Variants in RAD54L2 observed in about 807,000 individuals in gnomAD.
RAD54L2 encodes the protein helicase ARIP4.
In RAD54L2, 27 loss-of-function variants were observed where a neutral mutation model predicts 138.4. That is an observed-to-expected ratio of 0.20 (90% CI 0.14 to 0.27). The LOEUF (loss-of-function observed/expected upper bound fraction) is 0.27. Ranked by LOEUF, RAD54L2 falls within the 10% of genes least tolerant of loss-of-function variation. RAD54L2 has a pLI of 1.00. For missense variants in RAD54L2, 1,396 were observed against 1,890.2 expected (o/e 0.74, Z 4.85); for synonymous variants, 644 against 723.2 (o/e 0.89, Z 1.76).
intron 2 of RAD54L2, among the ~76,000 whole-genome samples, chr3:51,577,429 A>G (rs1405479366): frequency 3.3e-5 from 5 of 152,104 alleles, no homozygotes; most frequent in African/African-American, 1.2e-4. Context: ...CGATCTGTCT[A>G]ATGTTGACAG....
chr3:51,571,388 C>CT lies in RAD54L2; in HGVS notation c.-54-18959dup, dbSNP rs568383202. On this transcript the variant is annotated intron_variant, in intron 2 of 22. Transcript: ENST00000684192. ...TGGCTGTGTCTCTGTGGAATACCTG[C>CT]TTTTTTTTTTTTTTTTTTTTAAAGA... 6.0e-3 allele frequency among the ~76,000 whole-genome samples: 690 copies of CT among 115,810 alleles called. 3 individuals carry two copies. Among genetic ancestry groups the CT allele is most frequent in the African/African-American group, 0.014 (436 of 31,178 alleles). 76.0% of individuals were successfully genotyped at this position (115,810 alleles called of 152,430 possible).
intron 2 of RAD54L2, among the ~76,000 whole-genome samples, chr3:51,557,830 CAAAA>C (rs1166273906): frequency 0.072 from 2,311 of 32,102 alleles, 172 homozygotes; most frequent in East Asian, 0.42. Flanking sequence ...AACTCCATCT[CAAAA>C]AAAAAAAAAA....
intron 2 of RAD54L2, among the ~76,000 whole-genome samples, chr3:51,553,719 A>C (rs1431604673): frequency 2.0e-5 from 3 of 151,962 alleles, no homozygotes. Flanking sequence ...AGTCCTAGAT[A>C]CTCTGGAGGC....
chr3:51,638,071 GCT>G lies in RAD54L2; in HGVS notation c.1683-70_1683-69del. On this transcript the variant is annotated intron_variant, in intron 11 of 22. Coordinates refer to ENST00000684192, the MANE Select transcript of RAD54L2 (RefSeq NM_015106.4). The surrounding 1 kb of genome is among the most constrained non-coding windows in gnomAD (Gnocchi z 4.3). ...GGGAGGTGTGGCAGGAGTGCAAAAG[GCT>G]CTGTTTTTATCTTGTGCTGACCCCT... 2.1e-6 allele frequency: 3 copies of G among 1,431,586 alleles called. No individual in the cohort carries two copies. The South Asian group carries it at 3.7e-5, about 18-fold the overall frequency. 88.7% of individuals were successfully genotyped at this position (1,431,586 alleles called of 1,614,324 possible).
At position 51,628,482 on chromosome 3, in the gene RAD54L2, C is replaced by T. The variant is rs112874517; in HGVS notation, c.341+728C>T. ...CTTGGCTCACTGTACCCCCACCTCC[C>T]GTGTTCTAGCGGTTCTTGTGCTTCA... On this transcript the variant is annotated intron_variant, in intron 4 of 22. Transcript: ENST00000684192. Among the ~76,000 whole-genome samples the T allele has an allele frequency of 3.0e-4, 45 of 152,132 alleles. No homozygotes were observed. In the Middle Eastern group the frequency reaches 0.01, roughly 34 times the overall value.
chr3:51,607,498 T>C (rs895476506), intron 3 of RAD54L2, among the ~76,000 whole-genome samples: 4 of 152,228 alleles, frequency 2.6e-5, no homozygotes, highest in Admixed American at 2.6e-4. Context: ...GTCTCCTATG[T>C]CTACTTCTTT....
chr3:51,650,821 A>G (rs1425879686), intron 19 of RAD54L2, among the ~76,000 whole-genome samples: 1 of 152,254 alleles, frequency 6.6e-6, no homozygotes, highest in African/African-American at 2.4e-5. Flanking sequence ...CTAAATGCCC[A>G]CAAGAGAAAG....
intron 2 of RAD54L2, among the ~76,000 whole-genome samples, chr3:51,559,889 TATG>T (rs889906344): frequency 1.3e-5 from 2 of 152,208 alleles, no homozygotes; most frequent in Admixed American, 1.3e-4. Context: ...GGGCTACAGA[TATG>T]ATAAGGCTAT....
chr3:51,552,965 T>TG (rs1698875636), intron 2 of RAD54L2, among the ~76,000 whole-genome samples: 1 of 152,194 alleles, frequency 6.6e-6, no homozygotes, highest in African/African-American at 2.4e-5. Flanking sequence ...GTTTATTTCA[T>TG]GTATGTATTT....
At chr3:51,629,179 T>A (rs965723524) in intron 4 of RAD54L2, among the ~76,000 whole-genome samples, 155 bp from the exon 5 acceptor site, 1 of 152,226 alleles carries the variant, frequency 6.6e-6, no homozygotes, top group Non-Finnish European at 1.5e-5. Context: ...GTTTTTTGAA[T>A]GCTGCTCCTT....
rs1306031091 is a variant in RAD54L2 at position 51,666,914 on chromosome 3, A to C, written c.*3494A>C. ...CTTGTGATTCACAACTAAATATGAA[A>C]TTTCTCAATTCAGGAGCAGGAAGCA... On this transcript the variant is annotated 3_prime_UTR_variant, in exon 23 of 23. Transcript: ENST00000684192. The C allele has an allele frequency of 6.6e-6, 1 of 152,126 alleles. No homozygotes were observed. Among genetic ancestry groups the C allele is most frequent in the East Asian group, 1.9e-4 (1 of 5,190 alleles). The allele number at this position is 152,126 out of a possible 1,614,324, so 9.4% of individuals were successfully genotyped here. A position where few individuals can be genotyped will look rare whatever the true frequency, so the allele number is the denominator to read the frequency against.
intron 3 of RAD54L2, 29 bp from the exon 4 acceptor site, chr3:51,627,524 A>G: frequency 3.2e-6 from 5 of 1,545,606 alleles, no homozygotes; most frequent in Non-Finnish European, 4.4e-6. Flanking sequence ...CACCCCTATA[A>G]AGCAATGTCT....
Position 51,646,347 on chromosome 3 carries a change from GA to G in RAD54L2, c.2898del (p.Ala967GlnfsTer32). On this transcript the variant is annotated frameshift_variant, in exon 19 of 23. Coordinates refer to ENST00000684192, the MANE Select transcript of RAD54L2 (RefSeq NM_015106.4). LOFTEE classifies it high-confidence loss of function. ...RKDHKLTKAE[K>X]KAAKKSYEED... ...AGGATCACAAGCTAACCAAGGCTGAGAAAAAAGCAGCAAAGAAAAGCTATGA... is the reference window on the plus strand; with the variant it reads ...AGGATCACAAGCTAACCAAGGCTGAGAAAAAGCAGCAAAGAAAAGCTATGA... The G allele has an allele frequency of 6.2e-7, 1 of 1,610,926 alleles. No homozygotes were observed. The highest frequency in any genetic ancestry group is 2.2e-5 in the East Asian group (1 of 44,704).
intron 2 of RAD54L2, among the ~76,000 whole-genome samples, chr3:51,542,579 C>T (rs1052127879): frequency 6.6e-6 from 1 of 151,976 alleles, no homozygotes; most frequent in Non-Finnish European, 1.5e-5. Flanking sequence ...CCTGGGATTA[C>T]AGGCCTCCCG....
At chr3:51,552,561 C>CTTTTT (rs58505964) in intron 2 of RAD54L2, among the ~76,000 whole-genome samples, 4 of 106,730 alleles carry the variant, frequency 3.7e-5, no homozygotes, top group African/African-American at 1.5e-4. Context: ...TGCGCCTGGC[C>CTTTTT]TTTTTTTTTT....
In RAD54L2 at chr3:51,657,560, A is replaced by C; in HGVS notation, c.3227-20A>C. The C allele has an allele frequency of 6.7e-7, 1 of 1,492,360 alleles. No homozygotes were observed. Among genetic ancestry groups the C allele is most frequent in the Admixed American group, 1.9e-5 (1 of 51,716 alleles). The allele number at this position is 1,492,360 out of a possible 1,614,324, so 92.4% of individuals were successfully genotyped here. On this transcript the variant is annotated intron_variant, in intron 20 of 22. Coordinates refer to ENST00000684192, the MANE Select transcript of RAD54L2 (RefSeq NM_015106.4). ...GTCAGGCCCCGTGCAATCTAAATTT[A>C]AGATCTGTGTTTTTCCTAGATATTG...
Position 51,666,305 on chromosome 3 carries a change from G to C in RAD54L2, c.*2885G>C, listed in dbSNP as rs1274089685. 6.8e-6 allele frequency: 1 copy of C among 147,436 alleles called. No homozygotes were observed. The highest frequency in any genetic ancestry group is 2.1e-4 in the East Asian group (1 of 4,874). 9.1% of individuals were successfully genotyped at this position (147,436 alleles called of 1,614,324 possible). A position where few individuals can be genotyped will look rare whatever the true frequency, so the allele number is the denominator to read the frequency against. On this transcript the variant is annotated 3_prime_UTR_variant, in exon 23 of 23. Transcript: ENST00000684192. Reference sequence around the variant, plus strand: ...ATGCACACCAAACATAAGCATGTTTGTGAGGGAAGCAGGAAGTATCTCAGA... The same window carrying C: ...ATGCACACCAAACATAAGCATGTTTCTGAGGGAAGCAGGAAGTATCTCAGA...
chr3:51,641,284 C>T (rs1162008953), intron 14 of RAD54L2, among the ~76,000 whole-genome samples: 5 of 147,220 alleles, frequency 3.4e-5, no homozygotes, highest in Non-Finnish European at 5.9e-5. Context: ...GGATTACAGG[C>T]GTGAGCCACT....
In RAD54L2 at chr3:51,590,439, T is replaced by A; in HGVS notation, c.19T>A (p.Ser7Thr). 1.3e-6 allele frequency: 2 copies of A among 1,545,926 alleles called. No homozygotes were observed. Residue 7 changes from serine to threonine, a missense_variant, in exon 3 of 23, where the codon TCA becomes ACA. Transcript: ENST00000684192. ...GGGAGCCATGTCAGACGAATCTGCC[T>A]CAGGGAGCGATCCAGACCTGGACCC... MSDESA[S>T]GSDPDLDPDV... is the part of the protein sequence containing the mutation.
Sources: allele counts gnomAD v4.1 joint callset (sites outside exome capture counted in the v4.1 genomes callset), GRCh38; gene constraint gnomAD v4.1.1; non-coding constraint Gnocchi (gnomAD v3.1); transcripts MANE v1.5; gene names NCBI Gene and HGNC (gene_info 2026-07-23, HGNC 2026-07-21).